The following NLRC4 variants were observed in gnomAD, a reference collection of about 807,000 sequenced individuals.
NLRC4 encodes NLR family CARD domain containing 4, also known as NLR family CARD domain-containing protein 4.
NLRC4 carries 63 observed loss-of-function variants against 79.9 expected under a neutral mutation model. That is an observed-to-expected ratio of 0.79 (90% CI 0.64 to 0.97). The LOEUF is 0.97. Among genes scored for constraint, NLRC4 ranks in the 50% least tolerant of loss-of-function variants. The pLI, the probability that NLRC4 is intolerant of heterozygous loss-of-function variation, is 0.00. For missense variants in NLRC4, 1,074 were observed against 1,215.2 expected, an observed-to-expected ratio of 0.88 and a Z score of 1.73; for synonymous variants, 461 against 456.5, an observed-to-expected ratio of 1.01 and a Z score of -0.12.
At chr2:32,254,276 A>G (rs1048881327) in intron 2 of NLRC4, among the ~76,000 whole-genome samples, 1 of 152,078 alleles carries the variant, frequency 6.6e-6, no homozygotes, top group Non-Finnish European at 1.5e-5. Context: ...TCTCATACAA[A>G]GTAATAACTC....
intron 1 of NLRC4, among the ~76,000 whole-genome samples, chr2:32,258,786 T>A (rs1687269051): frequency 6.6e-6 from 1 of 152,126 alleles, no homozygotes; most frequent in Non-Finnish European, 1.5e-5. Flanking sequence ...TCTCCCTTCC[T>A]CCTCCACACA....
At chr2:32,234,992 A>G (rs1016633454) in intron 8 of NLRC4, among the ~76,000 whole-genome samples, 1 of 152,214 alleles carries the variant, frequency 6.6e-6, no homozygotes, top group Non-Finnish European at 1.5e-5. Context: ...TCTGGATAAT[A>G]TTACAGCTAT....
chr2:32,230,883 C>T (rs758433087), intron 8 of NLRC4, among the ~76,000 whole-genome samples: 29 of 152,186 alleles, frequency 1.9e-4, no homozygotes, highest in Non-Finnish European at 4.0e-4. Context: ...TACATTCTAA[C>T]TACCAGCATA....
intron 4 of NLRC4, among the ~76,000 whole-genome samples, chr2:32,241,543 AT>A (rs986884604): frequency 3.3e-5 from 5 of 151,368 alleles, no homozygotes; most frequent in African/African-American, 9.7e-5. Context: ...CGCCCGGCTA[AT>A]TTTTTTTGTA....
intron 8 of NLRC4, among the ~76,000 whole-genome samples, chr2:32,234,718 T>C (rs1043895347): frequency 4.6e-5 from 7 of 152,200 alleles, no homozygotes; most frequent in African/African-American, 1.7e-4. Flanking sequence ...CAGTGTTAAC[T>C]TGCCAACCAT....
Position 32,250,687 on chromosome 2 carries a change from AGTG to A in NLRC4, c.1174_1176del (p.His392del). The A allele has an allele frequency of 2.5e-6, 4 of 1,614,200 alleles. No individual in the cohort carries two copies. In the South Asian group the frequency reaches 4.4e-5, roughly 18 times the overall value. ...ACACCCTCCAGAGCTAGGTCTCCAC[AGTG>A]GTCCAGGCTCCGAATGAAGTCACTT... On this transcript the variant is annotated inframe_deletion, in exon 4 of 9. Coordinates refer to ENST00000402280, the MANE Select transcript of NLRC4 (RefSeq NM_001199138.2). The surrounding 1 kb of genome is among the most constrained non-coding windows in gnomAD (Gnocchi z 4.9).
intron 2 of NLRC4, among the ~76,000 whole-genome samples, chr2:32,254,735 C>T (rs995866196): frequency 4.0e-5 from 6 of 151,300 alleles, no homozygotes; most frequent in African/African-American, 7.3e-5. Flanking sequence ...TCCCCTGCCT[C>T]GGCCTCCCAA....
intron 8 of NLRC4, among the ~76,000 whole-genome samples, chr2:32,226,453 A>G (rs2148928974): frequency 6.6e-6 from 1 of 152,360 alleles, no homozygotes; most frequent in South Asian, 2.1e-4. Context: ...GACCGTGGTC[A>G]AGATGCTAGC....
intron 2 of NLRC4, among the ~76,000 whole-genome samples, chr2:32,255,958 G>A (rs1687198698): frequency 6.6e-6 from 1 of 151,438 alleles, no homozygotes; most frequent in Admixed American, 6.6e-5. Flanking sequence ...AGGTTGCAGT[G>A]AGCCAAGATC....
intron 1 of NLRC4, among the ~76,000 whole-genome samples, chr2:32,257,953 A>G (rs1369601018): frequency 6.6e-6 from 1 of 152,036 alleles, no homozygotes; most frequent in Non-Finnish European, 1.5e-5. Flanking sequence ...GGCGTCTTGT[A>G]TTAGCTCAAT....
intron 8 of NLRC4, 42 bp downstream of exon 8, chr2:32,235,359 G>T: frequency 6.7e-7 from 1 of 1,485,644 alleles, no homozygotes; most frequent in Non-Finnish European, 9.3e-7. Flanking sequence ...AATTTTTTAA[G>T]GGCCAAATCC....
In NLRC4 at chr2:32,251,373, G is replaced by C; in HGVS notation, c.491C>G (p.Pro164Arg). Reference sequence around the variant, plus strand: ...GCCAGATTCCCCTTCAATGATGCAGGGGCTCTGAAGAGCCTGCAGGAGGCC... The same window carrying C: ...GCCAGATTCCCCTTCAATGATGCAGCGGCTCTGAAGAGCCTGCAGGAGGCC... ...LNGLLQALQS[P>R]CIIEGESGKG... The change falls in exon 4 of 9, where the codon CCC becomes CGC. Residue 164 changes from proline (P) to arginine (R), a missense_variant. Coordinates refer to ENST00000402280, the MANE Select transcript of NLRC4 (RefSeq NM_001199138.2). The C allele has an allele frequency of 1.2e-6, 2 of 1,614,050 alleles. No homozygotes were observed. The highest frequency in any genetic ancestry group is 1.7e-6 in the Non-Finnish European group (2 of 1,179,982).
rs758796453 is a variant in NLRC4 at position 32,252,195 on chromosome 2, A to G, written c.262+224T>C. On this transcript the variant is annotated intron_variant, in intron 3 of 8. Coordinates refer to ENST00000402280, the MANE Select transcript of NLRC4 (RefSeq NM_001199138.2). ...TTATCTTGCAGTGAGACAATACTCA[A>G]TCATTTATTTCCTGGCCTTGGGGTT... 9.8e-5 allele frequency among the ~76,000 whole-genome samples: 15 copies of G among 152,338 alleles called. 1 individual carries two copies. The highest frequency in any genetic ancestry group is 2.4e-4 in the African/African-American group (10 of 41,574).
Position 32,235,452 on chromosome 2 carries a change from T to G in NLRC4, c.2731A>C (p.Lys911Gln). Residue 911 changes from lysine (K) to glutamine (Q), a missense_variant, in exon 8 of 9, where the codon AAG (lysine) becomes CAG (glutamine). Coordinates refer to ENST00000402280, the MANE Select transcript of NLRC4 (RefSeq NM_001199138.2). Reference protein sequence around the residue: ...KHLEEVPQLVKLGLKNWRLTD... With the variant: ...KHLEEVPQLVQLGLKNWRLTD... ...AGTCTCCAGTTTTTCAACCCAAGCT[T>G]GACGAGTTGTGGGACCTCCTCCAAA... The G allele has an allele frequency of 6.2e-7, 1 of 1,614,154 alleles. No homozygotes were observed. Among genetic ancestry groups the G allele is most frequent in the Non-Finnish European group, 8.5e-7 (1 of 1,179,982 alleles).
intron 6 of NLRC4, among the ~76,000 whole-genome samples, chr2:32,237,590 A>G (rs1055471686): frequency 1.3e-5 from 2 of 152,212 alleles, no homozygotes; most frequent in South Asian, 2.1e-4. Context: ...TCCAAAATCT[A>G]AATTTTAAAA....
chr2:32,257,186 G>T (rs573712770), intron 1 of NLRC4, among the ~76,000 whole-genome samples: 2 of 152,162 alleles, frequency 1.3e-5, no homozygotes, highest in Admixed American at 1.3e-4. Flanking sequence ...GTCAAAAGAC[G>T]GTATAAGTGT....
At chr2:32,249,411 A>T (rs901679354) in intron 4 of NLRC4, among the ~76,000 whole-genome samples, 196 bp downstream of exon 4, 1 of 152,168 alleles carries the variant, frequency 6.6e-6, no homozygotes, top group East Asian at 1.9e-4. Flanking sequence ...TTCAACATAA[A>T]GTGTCTACCC....
intron 1 of NLRC4, among the ~76,000 whole-genome samples, chr2:32,261,590 G>A (rs1479536488): frequency 2.7e-5 from 4 of 150,384 alleles, no homozygotes; most frequent in Non-Finnish European, 5.9e-5. Context: ...GATTACAGGC[G>A]TGAGCCACCA....
Position 32,256,812 on chromosome 2 carries a change from A to G in NLRC4, c.-37T>C. ...AAAGCTTCCCACCTTTCTATAACAC[A>G]ATAGAAAATATTATTTCCAAATGGA... On this transcript the variant is annotated 5_prime_UTR_variant, in exon 2 of 9. Coordinates refer to ENST00000402280, the MANE Select transcript of NLRC4 (RefSeq NM_001199138.2). 1.3e-6 allele frequency: 1 copy of G among 780,398 alleles called. No homozygotes were observed. 48.3% of individuals were successfully genotyped at this position (780,398 alleles called of 1,614,324 possible). A position where few individuals can be genotyped will look rare whatever the true frequency, so the allele number is the denominator to read the frequency against.
Sources: gnomAD v4.1 joint callset for allele counts (sites outside exome capture counted in the v4.1 genomes callset) on GRCh38, gnomAD v4.1.1 for gene constraint, Gnocchi (gnomAD v3.1) non-coding constraint, MANE v1.5 for transcripts, NCBI Gene and HGNC (gene_info 2026-07-23, HGNC 2026-07-21) for gene names.